FBN1: variants seen among roughly 807,000 people sequenced by gnomAD.
FBN1 encodes the protein fibrillin 1.
Under a neutral mutation model 365.1 loss-of-function variants are expected in FBN1, and 29 were observed. That is an observed-to-expected ratio of 0.08 (90% confidence interval 0.06 to 0.11). The LOEUF (loss-of-function observed/expected upper bound fraction) is 0.11. Among genes scored for constraint, FBN1 ranks in the 10% least tolerant of loss-of-function variants. The pLI is 1.00. For synonymous variants in FBN1, 1,210 were observed against 1,270.5 expected, an observed-to-expected ratio of 0.95 and a Z score of 1.01; for missense variants, 2,476 against 3,703.2, an observed-to-expected ratio of 0.67 and a Z score of 8.60.
At chr15:48,595,589 A>C (rs1009538603) in intron 6 of FBN1, among the ~76,000 whole-genome samples, 3 of 152,204 alleles carry the variant, frequency 2.0e-5, no homozygotes, top group Admixed American at 2.0e-4. Context: ...TGTTTCTTTT[A>C]ATTAAGAGCA....
chr15:48,645,235 A>AT lies in FBN1; in HGVS notation c.-181-286dup, dbSNP rs1462345459. Among the ~76,000 whole-genome samples the AT allele has an allele frequency of 7.9e-5, 12 of 151,836 alleles. No homozygotes were observed. The Middle Eastern group carries it at 0.014, about 173-fold the overall frequency. ...AGCCCCGGGCGAGCTCTCTGGGTTT[A>AT]TTTTTTTTAGCGGCACGAATTGCGC... is the stretch of plus-strand genomic sequence containing the variant. On this transcript the variant is annotated intron_variant, in intron 1 of 65. Coordinates refer to ENST00000316623, the MANE Select transcript of FBN1 (RefSeq NM_000138.5).
Position 48,644,811 on chromosome 15 carries a change from C to T in FBN1, c.-42G>A. ...CGGCTCCCGCCGCCTCTTGCCGCGC[C>T]CGGGGCTCGGTCTGCGGCCGCCGCT... On this transcript the variant is annotated 5_prime_UTR_variant, in exon 2 of 66. Coordinates refer to ENST00000316623, the MANE Select transcript of FBN1 (RefSeq NM_000138.5). The T allele has an allele frequency of 6.3e-7, 1 of 1,587,982 alleles. No homozygotes were observed. Among genetic ancestry groups the T allele is most frequent in the Non-Finnish European group, 8.5e-7 (1 of 1,171,752 alleles).
At chr15:48,635,821 C>A (rs929531962) in intron 2 of FBN1, among the ~76,000 whole-genome samples, 1 of 152,202 alleles carries the variant, frequency 6.6e-6, no homozygotes, top group Non-Finnish European at 1.5e-5. Flanking sequence ...AAATGCAGAA[C>A]TGTGGACAAA....
At chr15:48,494,761 T>C (rs73392184) in intron 22 of FBN1, among the ~76,000 whole-genome samples, 2,573 of 152,262 alleles carry the variant, frequency 0.017, 64 homozygotes, top group African/African-American at 0.055. Context: ...CAGAAACCCT[T>C]ATGAAGTTTA....
At chr15:48,616,719 C>T (rs1455485059) in intron 2 of FBN1, among the ~76,000 whole-genome samples, 3 of 152,184 alleles carry the variant, frequency 2.0e-5, no homozygotes, top group African/African-American at 7.2e-5. Context: ...CCATCAACCC[C>T]CATCACTCCA....
intron 2 of FBN1, among the ~76,000 whole-genome samples, chr15:48,613,859 CA>C (rs2044675827): frequency 6.6e-6 from 1 of 152,142 alleles, no homozygotes; most frequent in South Asian, 2.1e-4. Flanking sequence ...ATCTGGGAGG[CA>C]GAGGCTGCAG....
chr15:48,466,097 C>T (rs1338435140), intron 38 of FBN1, among the ~76,000 whole-genome samples: 3 of 152,152 alleles, frequency 2.0e-5, no homozygotes, highest in African/African-American at 7.2e-5. Flanking sequence ...CTAACCACTC[C>T]CTGGTCTTAC....
At chr15:48,418,440 G>T (rs1413897086) in intron 63 of FBN1, among the ~76,000 whole-genome samples, 1 of 152,180 alleles carries the variant, frequency 6.6e-6, no homozygotes, top group African/African-American at 2.4e-5. Flanking sequence ...ATCTAGGTTG[G>T]AGAGGTAGGA....
chr15:48,638,068 T>C (rs1336518101), intron 2 of FBN1, among the ~76,000 whole-genome samples: 3 of 151,992 alleles, frequency 2.0e-5, no homozygotes, highest in Non-Finnish European at 4.4e-5. Context: ...AGGATCTTGT[T>C]CTGTCGCCCA....
chr15:48,427,828 A>C, intron 57 of FBN1, 55 bp from the exon 58 acceptor site: 5 of 1,538,904 alleles, frequency 3.2e-6, no homozygotes, highest in South Asian at 1.1e-5. Flanking sequence ...AGAGCAAACA[A>C]AATATTAAAA....
chr15:48,607,512 G>C (rs1234609782), intron 4 of FBN1, among the ~76,000 whole-genome samples: 1 of 138,232 alleles, frequency 7.2e-6, no homozygotes, highest in Non-Finnish European at 1.5e-5. Context: ...CCTCATGAAA[G>C]GATTAGTATC....
chr15:48,511,071 T>C (rs2043754962), intron 13 of FBN1, among the ~76,000 whole-genome samples: 2 of 152,318 alleles, frequency 1.3e-5, no homozygotes, highest in Non-Finnish European at 2.9e-5. Context: ...GATGCGAGCA[T>C]TCCTATCTAT....
chr15:48,534,474 A>G (rs1352683359), intron 7 of FBN1, among the ~76,000 whole-genome samples: 1 of 152,346 alleles, frequency 6.6e-6, no homozygotes, highest in Middle Eastern at 3.4e-3. Context: ...AGGAGAGTGC[A>G]TTAACTTTTG....
intron 2 of FBN1, 130 bp downstream of exon 2, chr15:48,644,476 C>T (rs926651126): frequency 2.3e-6 from 3 of 1,320,682 alleles, no homozygotes; most frequent in Admixed American, 1.7e-5. Context: ...GACTAAACAA[C>T]CCTAGCACCT....
At chr15:48,437,501 A>G (rs1353214441) in intron 51 of FBN1, 114 bp from the exon 52 acceptor site, 5 of 996,582 alleles carry the variant, frequency 5.0e-6, no homozygotes, top group African/African-American at 4.7e-5. Context: ...TAAATGATGG[A>G]AAAAACAAGC....
rs775785545 is a variant in FBN1 at position 48,492,522 on chromosome 15, C to T, written c.2793G>A (p.Gly931=). 1 of 1,612,936 alleles carries T rather than the reference C, an allele frequency of 6.2e-7. No individual in the cohort carries two copies. Among genetic ancestry groups the T allele is most frequent in the Non-Finnish European group, 8.5e-7 (1 of 1,179,154 alleles). ...CKNGLCVNTR[G]SFKCQCPSGM... Reference sequence around the variant, plus strand: ...CACTGGGACACTGACACTTGAATGACCCCCTAGTGTTAACACACAGGCCAT... The same window carrying T: ...CACTGGGACACTGACACTTGAATGATCCCCTAGTGTTAACACACAGGCCAT... The change falls in exon 24 of 66, where the codon GGG becomes GGA. Residue 931 remains glycine (G), a synonymous_variant. Transcript: ENST00000316623.
intron 34 of FBN1, among the ~76,000 whole-genome samples, chr15:48,473,909 C>T (rs1165705777): frequency 6.6e-6 from 1 of 151,986 alleles, no homozygotes; most frequent in African/African-American, 2.4e-5. Flanking sequence ...GATATATATG[C>T]CAATTGTAAC....
intron 56 of FBN1, among the ~76,000 whole-genome samples, chr15:48,429,269 G>A (rs1206050732): frequency 6.6e-6 from 1 of 152,090 alleles, no homozygotes; most frequent in East Asian, 1.9e-4. Context: ...ATATTGATCT[G>A]GGGGAGTTTG....
intron 2 of FBN1, among the ~76,000 whole-genome samples, chr15:48,634,043 A>G (rs973797833): frequency 6.6e-6 from 1 of 152,222 alleles, no homozygotes; most frequent in African/African-American, 2.4e-5. Flanking sequence ...CTATGGAAGA[A>G]GATATAAGCC....
Sources: gnomAD v4.1 joint callset for allele counts (sites outside exome capture counted in the v4.1 genomes callset) on GRCh38, gnomAD v4.1.1 for gene constraint, MANE v1.5 for transcripts, NCBI Gene and HGNC (gene_info 2026-07-23, HGNC 2026-07-21) for gene names.